The following MAS1 variants were observed in gnomAD, a reference collection of about 807,000 sequenced individuals.
MAS1 encodes MAS1 proto-oncogene, G protein-coupled receptor.
For missense variants in MAS1, 387 were observed against 409.7 expected (o/e 0.94, Z 0.48); for synonymous variants, 163 against 164.2 (o/e 0.99, Z 0.05).
chr6:159,907,758 T>C lies in MAS1; in HGVS notation c.803T>C (p.Phe268Ser). 3 of 1,613,710 alleles carry C rather than the reference T, an allele frequency of 1.9e-6. No individual in the cohort carries two copies. The South Asian group carries it at 3.3e-5, about 18-fold the overall frequency. Reference sequence around the variant, plus strand: ...AACCTACACCACATTTCCCTGCTCTTCTCCACAATCAACAGTAGCGCCAAC... The same window carrying C: ...AACCTACACCACATTTCCCTGCTCTCCTCCACAATCAACAGTAGCGCCAAC... ...FGNLHHISLL[F>S]STINSSANPF... Residue 268 changes from phenylalanine (F) to serine (S), a missense_variant, in exon 3 of 3, where the codon TTC (phenylalanine) becomes TCC (serine). Phe to Ser is a radical substitution (Grantham distance 155, BLOSUM62 -2). Coordinates refer to ENST00000674077, the MANE Select transcript of MAS1 (RefSeq NM_002377.4).
intron 1 of MAS1, among the ~76,000 whole-genome samples, chr6:159,897,913 G>A (rs1245719772): frequency 6.6e-6 from 1 of 151,482 alleles, no homozygotes; most frequent in African/African-American, 2.4e-5. Flanking sequence ...TCTTTTTTGA[G>A]ATGGAGTCTC....
Position 159,910,644 on chromosome 6 carries a change from T to C in MAS1, c.*2711T>C, listed in dbSNP as rs562112217. The C allele has an allele frequency of 6.6e-6, 1 of 152,376 alleles. No homozygotes were observed. Among genetic ancestry groups the C allele is most frequent in the African/African-American group, 2.4e-5 (1 of 41,580 alleles). 9.4% of individuals were successfully genotyped at this position (152,376 alleles called of 1,614,324 possible). On this transcript the variant is annotated 3_prime_UTR_variant, in exon 3 of 3. Transcript: ENST00000674077. The stretch of plus-strand genomic sequence containing the variant: ...ATCCACTGCACCCCTCTCTGGGCTG[T>C]TTCCTTTGTACATATAAATAGACTC...
Position 159,910,547 on chromosome 6 carries a change from A to G in MAS1, c.*2614A>G, listed in dbSNP as rs1473019758. The G allele has an allele frequency of 6.6e-6, 1 of 152,244 alleles. No homozygotes were observed. Among genetic ancestry groups the G allele is most frequent in the East Asian group, 1.9e-4 (1 of 5,204 alleles). 9.4% of individuals were successfully genotyped at this position (152,244 alleles called of 1,614,324 possible). On this transcript the variant is annotated 3_prime_UTR_variant, in exon 3 of 3. Transcript: ENST00000674077. Reference sequence around the variant, plus strand: ...GTTCTCTGTCTCTTCACGCTAGACTATAAGCTCCTTGAGGGCAGGGACGTA... The same window carrying G: ...GTTCTCTGTCTCTTCACGCTAGACTGTAAGCTCCTTGAGGGCAGGGACGTA...
chr6:159,889,466 A>G (rs1782674071), upstream of MAS1, among the ~76,000 whole-genome samples: 1 of 151,716 alleles, frequency 6.6e-6, no homozygotes, highest in Non-Finnish European at 1.5e-5. Context: ...TTCATCCCTC[A>G]TTTCCTTCGG....
At chr6:159,897,607 A>G (rs2115110036) in intron 1 of MAS1, among the ~76,000 whole-genome samples, 1 of 152,344 alleles carries the variant, frequency 6.6e-6, no homozygotes, top group Non-Finnish European at 1.5e-5. Flanking sequence ...TTAAACTATA[A>G]ACTAAGTTTC....
upstream of MAS1, among the ~76,000 whole-genome samples, chr6:159,890,452 G>A (rs1355056791): frequency 6.6e-6 from 1 of 152,106 alleles, no homozygotes; most frequent in African/African-American, 2.4e-5. Flanking sequence ...ACACTCCTTG[G>A]CTTGCTTGCT....
intron 1 of MAS1, among the ~76,000 whole-genome samples, chr6:159,897,629 G>T (rs1782768748): frequency 6.6e-6 from 1 of 152,186 alleles, no homozygotes; most frequent in South Asian, 2.1e-4. Context: ...CCCAAAGTTA[G>T]TTCAGGCTAT....
chr6:159,907,973 A>G lies in MAS1; in HGVS notation c.*40A>G. ...GTTGTGGATAAAAATGGTGGAACAC[A>G]GGTCATTTTTAGTTTGTGCTTGGAA... On this transcript the variant is annotated 3_prime_UTR_variant, in exon 3 of 3. Transcript: ENST00000674077. The G allele has an allele frequency of 2.6e-6, 4 of 1,543,402 alleles. No homozygotes were observed. Among genetic ancestry groups the G allele is most frequent in the Non-Finnish European group, 3.5e-6 (4 of 1,147,084 alleles).
At chr6:159,904,633 A>T (rs1782863006) in intron 2 of MAS1, among the ~76,000 whole-genome samples, 1 of 151,950 alleles carries the variant, frequency 6.6e-6, no homozygotes, top group Non-Finnish European at 1.5e-5. Flanking sequence ...CTAGAGTGTC[A>T]CCTGAACACA....
chr6:159,897,893 C>CT (rs957148821), intron 1 of MAS1, among the ~76,000 whole-genome samples: 64 of 149,200 alleles, frequency 4.3e-4, no homozygotes, highest in African/African-American at 9.8e-4. Context: ...TTAAACAAGT[C>CT]TTTTTTTTTT....
rs1782955916 is a variant in MAS1, at chr6:159,910,687, C to T, written c.*2754C>T. The T allele has an allele frequency of 6.6e-6, 1 of 152,174 alleles. No individual in the cohort carries two copies. Among genetic ancestry groups the T allele is most frequent in the Non-Finnish European group, 1.5e-5 (1 of 68,054 alleles). 9.4% of individuals were successfully genotyped at this position (152,174 alleles called of 1,614,324 possible). On this transcript the variant is annotated 3_prime_UTR_variant, in exon 3 of 3. Coordinates refer to ENST00000674077, the MANE Select transcript of MAS1 (RefSeq NM_002377.4). Reference sequence around the variant, plus strand: ...ATAGACTCAAATTGCTTCCACCTAACCAGAAGCCATTCCTTGCCCCACAGC... The same window carrying T: ...ATAGACTCAAATTGCTTCCACCTAATCAGAAGCCATTCCTTGCCCCACAGC...
intron 1 of MAS1, among the ~76,000 whole-genome samples, chr6:159,897,120 C>T (rs1206096587): frequency 1.6e-4 from 24 of 151,964 alleles, no homozygotes; most frequent in Admixed American, 1.4e-3. Context: ...GTGATCCGCC[C>T]GCCTCGGCCT....
chr6:159,907,598 C>G lies in MAS1; in HGVS notation c.643C>G (p.Arg215Gly). The change falls in exon 3 of 3, where the codon CGG becomes GGG. Residue 215 changes from arginine to glycine, a missense_variant. Physicochemically the swap from Arg to Gly is moderately radical, Grantham distance 125. Coordinates refer to ENST00000674077, the MANE Select transcript of MAS1 (RefSeq NM_002377.4). ...VSSTILVVKI[R>G]KNTWASHSSK... is the part of the protein sequence containing the mutation. ...CAGCACCATCTTGGTCGTGAAGATC[C>G]GGAAGAACACGTGGGCTTCCCATTC... 1 of 1,613,284 alleles carries G rather than the reference C, an allele frequency of 6.2e-7. No individual in the cohort carries two copies. The highest frequency in any genetic ancestry group is 8.5e-7 in the Non-Finnish European group (1 of 1,179,832).
At position 159,908,508 on chromosome 6, in the gene MAS1, A is replaced by AGC. The variant is rs1016326624; in HGVS notation, c.*576_*577dup. ...CAAGATATAAATTTTTGTTTTGTAAAGCACACACACACACACACACACACA... is the reference window on the plus strand; with the variant it reads ...CAAGATATAAATTTTTGTTTTGTAAAGCGCACACACACACACACACACACACA... On this transcript the variant is annotated 3_prime_UTR_variant, in exon 3 of 3. Coordinates refer to ENST00000674077, the MANE Select transcript of MAS1 (RefSeq NM_002377.4). 1.3e-4 allele frequency: 6 copies of AGC among 46,250 alleles called. No homozygotes were observed. Among genetic ancestry groups the AGC allele is most frequent in the African/African-American group, 5.3e-4 (5 of 9,512 alleles). 2.9% of individuals were successfully genotyped at this position (46,250 alleles called of 1,614,324 possible).
rs1425349047 is a variant in MAS1, at chr6:159,913,791, C to CA, written c.*5860dup. On this transcript the variant is annotated 3_prime_UTR_variant, in exon 3 of 3. Coordinates refer to ENST00000674077, the MANE Select transcript of MAS1 (RefSeq NM_002377.4). The stretch of plus-strand genomic sequence containing the variant: ...GAGTTTTAGTAAAGCAAAATTAAAA[C>CA]AATTTTCATGATTTTAATTTCACTT... The CA allele has an allele frequency of 6.6e-6, 1 of 152,178 alleles. No individual in the cohort carries two copies. Among genetic ancestry groups the CA allele is most frequent in the African/African-American group, 2.4e-5 (1 of 41,440 alleles). The allele number at this position is 152,178 out of a possible 1,614,324, so 9.4% of individuals were successfully genotyped here.
At chr6:159,903,869 CTG>C (rs1316644357) in intron 2 of MAS1, among the ~76,000 whole-genome samples, 1 of 152,198 alleles carries the variant, frequency 6.6e-6, no homozygotes, top group Admixed American at 6.5e-5. Context: ...CTGTCTTCAC[CTG>C]TTCTCCTCCC....
intron 2 of MAS1, among the ~76,000 whole-genome samples, chr6:159,905,449 G>T (rs1782874126): frequency 1.3e-5 from 2 of 152,228 alleles, no homozygotes; most frequent in South Asian, 4.1e-4. Flanking sequence ...TGAGGGAAGT[G>T]TCAATGGGAT....
At chr6:159,904,869 C>T (rs1363930819) in intron 2 of MAS1, among the ~76,000 whole-genome samples, 2 of 152,220 alleles carry the variant, frequency 1.3e-5, no homozygotes, top group Non-Finnish European at 2.9e-5. Flanking sequence ...TGGCTGCCTC[C>T]TGCTTCTGGA....
At chr6:159,901,503 A>G (rs1782821528) in intron 2 of MAS1, among the ~76,000 whole-genome samples, 1 of 152,138 alleles carries the variant, frequency 6.6e-6, no homozygotes, top group Admixed American at 6.5e-5. Flanking sequence ...GGAGGCTGAG[A>G]GGGGAGGATT....
Sources: gnomAD v4.1 joint callset for allele counts (sites outside exome capture counted in the v4.1 genomes callset) on GRCh38, gnomAD v4.1.1 for gene constraint, MANE v1.5 for transcripts, NCBI Gene and HGNC (gene_info 2026-07-23, HGNC 2026-07-21) for gene names.